The following EXOC5 variants were observed in gnomAD, a reference collection of about 807,000 sequenced individuals.
EXOC5 encodes SEC10-like 1.
A neutral mutation model predicts 90.8 loss-of-function variants in EXOC5; 17 were observed. The ratio of observed to expected loss-of-function variants is 0.19; its 90% CI spans 0.13 to 0.28. The LOEUF is 0.28. Among genes scored for constraint, EXOC5 ranks in the 10% least tolerant of loss-of-function variants. The pLI, the probability that EXOC5 is intolerant of heterozygous loss-of-function variation, is 1.00. For missense variants in EXOC5, 569 were observed against 830.6 expected (o/e 0.69, Z 3.87); for synonymous variants, 260 against 270.0 (o/e 0.96, Z 0.36).
intron 1 of EXOC5, among the ~76,000 whole-genome samples, chr14:57,265,867 A>C (rs941438001): frequency 1.4e-4 from 21 of 152,368 alleles, no homozygotes; most frequent in African/African-American, 5.0e-4. Flanking sequence ...TTTCAGAAAG[A>C]TCTGTCAACA....
intron 3 of EXOC5, among the ~76,000 whole-genome samples, chr14:57,245,861 T>C (rs776819219): frequency 6.6e-6 from 1 of 151,958 alleles, no homozygotes; most frequent in Non-Finnish European, 1.5e-5. Flanking sequence ...AAGACAAACC[T>C]GGCCAACATA....
intron 1 of EXOC5, among the ~76,000 whole-genome samples, chr14:57,265,701 T>C (rs896680403): frequency 5.3e-5 from 8 of 152,330 alleles, no homozygotes; most frequent in African/African-American, 1.9e-4. Flanking sequence ...CTCCAGCCTA[T>C]GCGATAGAGC....
chr14:57,244,374 C>T lies in EXOC5; in HGVS notation c.271-15G>A. Reference sequence around the variant, plus strand: ...TGGAAGGCAACCTAGGAAAAATGTGCATAAGCATAAAATACAATCAGTGTG... The same window carrying T: ...TGGAAGGCAACCTAGGAAAAATGTGTATAAGCATAAAATACAATCAGTGTG... On this transcript the variant is annotated splice_polypyrimidine_tract_variant and intron_variant, in intron 3 of 17. Transcript: ENST00000621441. 6.3e-7 allele frequency: 1 copy of T among 1,588,390 alleles called. No homozygotes were observed. The highest frequency in any genetic ancestry group is 8.6e-7 in the Non-Finnish European group (1 of 1,157,278).
chr14:57,247,887 C>T (rs181621985), intron 1 of EXOC5, among the ~76,000 whole-genome samples, 175 bp from the exon 2 acceptor site: 2,597 of 102,216 alleles, frequency 0.025, 34 homozygotes, highest in African/African-American at 0.037. Flanking sequence ...CTTCAATAAA[C>T]AAAACAAATT....
intron 3 of EXOC5, 104 bp from the exon 4 acceptor site, chr14:57,244,463 C>T (rs9323303): frequency 0.1 from 83,435 of 824,984 alleles, 12,098 homozygotes; most frequent in African/African-American, 0.59. Context: ...AAGTTATATA[C>T]GAGATGATCT....
At chr14:57,209,534 A>G in intron 17 of EXOC5, 33 bp downstream of exon 17, 1 of 1,253,798 alleles carries the variant, frequency 8.0e-7, no homozygotes, top group Non-Finnish European at 1.2e-6. Flanking sequence ...TCCTGGGCCT[A>G]TTTGCAAGTT....
At chr14:57,235,408 T>C (rs1883626006) in intron 7 of EXOC5, among the ~76,000 whole-genome samples, 1 of 152,090 alleles carries the variant, frequency 6.6e-6, no homozygotes, top group Non-Finnish European at 1.5e-5. Flanking sequence ...TATATTATAA[T>C]ATGTGGAAGC....
chr14:57,254,134 T>C (rs572325473), intron 1 of EXOC5, among the ~76,000 whole-genome samples: 14 of 152,184 alleles, frequency 9.2e-5, no homozygotes, highest in African/African-American at 2.6e-4. Flanking sequence ...AATAAGCACA[T>C]GAAAAGATGC....
At position 57,222,288 on chromosome 14, in the gene EXOC5, TG is replaced by T; in HGVS notation, c.1405+19del. On this transcript the variant is annotated intron_variant, in intron 13 of 17. Coordinates refer to ENST00000621441, the MANE Select transcript of EXOC5 (RefSeq NM_006544.4). ...CAGAATCAAAAGAATTTAACACAAGTGTAACACAAATATACTTACCAGCAAG... is the reference window on the plus strand; with the variant it reads ...CAGAATCAAAAGAATTTAACACAAGTTAACACAAATATACTTACCAGCAAG... 8.5e-7 allele frequency: 1 copy of T among 1,177,526 alleles called. No individual in the cohort carries two copies. The highest frequency in any genetic ancestry group is 1.2e-6 in the Non-Finnish European group (1 of 811,618). The allele number at this position is 1,177,526 out of a possible 1,614,324, so 72.9% of individuals were successfully genotyped here. A position where few individuals can be genotyped will look rare whatever the true frequency, so the allele number is the denominator to read the frequency against.
At chr14:57,245,012 A>T (rs940604988) in intron 3 of EXOC5, among the ~76,000 whole-genome samples, 1 of 151,868 alleles carries the variant, frequency 6.6e-6, no homozygotes, top group Non-Finnish European at 1.5e-5. Flanking sequence ...AAAAAAAAAA[A>T]GTCAGTGGTA....
In EXOC5 at chr14:57,222,369, G is replaced by T; in HGVS notation, c.1344C>A (p.Thr448=). ...CAATACATAAAAATTCCACAAGAAT[G>T]GTAAAAATTCTGAAGGCATTCCTTG... ...DLPRNAFRIF[T]ILVEFLCIEH... is the part of the protein sequence containing the mutation. Residue 448 remains threonine (T), a synonymous_variant, in exon 13 of 18, where the codon ACC becomes ACA. Transcript: ENST00000621441. 1 of 1,602,104 alleles carries T rather than the reference G, an allele frequency of 6.2e-7. No individual in the cohort carries two copies. Among genetic ancestry groups the T allele is most frequent in the Non-Finnish European group, 8.5e-7 (1 of 1,173,040 alleles).
intron 1 of EXOC5, among the ~76,000 whole-genome samples, chr14:57,264,092 AACTCTAGT>A (rs1418666520): frequency 6.6e-6 from 1 of 152,224 alleles, no homozygotes; most frequent in Non-Finnish European, 1.5e-5. Context: ...AACATCTTTT[AACTCTAGT>A]ACCTGGAATG....
At chr14:57,246,630 C>T in intron 3 of EXOC5, 81 bp downstream of exon 3, 1 of 1,267,224 alleles carries the variant, frequency 7.9e-7, no homozygotes. Context: ...TCTGACTAGA[C>T]TTTTTTAAGA....
chr14:57,266,742 TA>T, intron 1 of EXOC5, among the ~76,000 whole-genome samples: 1 of 150,176 alleles, frequency 6.7e-6, no homozygotes, highest in East Asian at 1.9e-4. Context: ...TGTGTATATA[TA>T]TATATATATA....
rs1883968362 is a variant in EXOC5, at chr14:57,244,321, A to G, written c.309T>C (p.Ile103=). The part of the protein sequence containing the change: ...FQHFQELDEH[I]SYVATKVCHL... ...GACAGACTTTAGTTGCTACATAGCT[A>G]ATGTGCTCATCTAGTTCTTGGAAAT... Residue 103 remains isoleucine (I), a synonymous_variant, in exon 4 of 18, where the codon ATT becomes ATC. Coordinates refer to ENST00000621441, the MANE Select transcript of EXOC5 (RefSeq NM_006544.4). The G allele has an allele frequency of 4.3e-6, 7 of 1,613,768 alleles. No individual in the cohort carries two copies. Among genetic ancestry groups the G allele is most frequent in the Non-Finnish European group, 5.9e-6 (7 of 1,179,838 alleles).
At chr14:57,231,407 G>A in intron 11 of EXOC5, 99 bp downstream of exon 11, 1 of 764,824 alleles carries the variant, frequency 1.3e-6, no homozygotes. Flanking sequence ...ACTCTTCACA[G>A]AAAATTCTAA....
At chr14:57,221,005 G>A (rs754949037) in intron 13 of EXOC5, among the ~76,000 whole-genome samples, 13 of 152,082 alleles carry the variant, frequency 8.5e-5, no homozygotes, top group Non-Finnish European at 1.9e-4. Context: ...ATGAGTGGTG[G>A]CAGACATTAA....
chr14:57,237,236 G>A, intron 6 of EXOC5, 102 bp downstream of exon 6: 1 of 712,366 alleles, frequency 1.4e-6, no homozygotes, highest in South Asian at 1.6e-5. Context: ...ACTAGGGTAG[G>A]AAGATGACAT....
At chr14:57,251,946 T>G (rs1884209075) in intron 1 of EXOC5, among the ~76,000 whole-genome samples, 1 of 152,070 alleles carries the variant, frequency 6.6e-6, no homozygotes, top group South Asian at 2.1e-4. Context: ...ACCAATGAAT[T>G]TGATAACCTA....
Sources: allele counts gnomAD v4.1 joint callset (sites outside exome capture counted in the v4.1 genomes callset), GRCh38; gene constraint gnomAD v4.1.1; transcripts MANE v1.5; gene names NCBI Gene and HGNC (gene_info 2026-07-23, HGNC 2026-07-21).